CELF2: variants seen among roughly 807,000 people sequenced by gnomAD.
CELF2 encodes CUGBP Elav-like family member 2, also known as CUG triplet repeat RNA-binding protein 2.
Under a neutral mutation model 62.6 loss-of-function variants are expected in CELF2, and 8 were observed. The observed-to-expected ratio is 0.13, with a 90% CI of 0.07 to 0.23. CELF2 has a LOEUF of 0.23. Ranked by LOEUF, CELF2 falls within the 10% of genes least tolerant of loss-of-function variation. The probability of loss-of-function intolerance (pLI) is 1.00; values close to 1 mark genes in which losing one functional copy is unlikely to be tolerated. For synonymous variants in CELF2, 258 were observed against 250.0 expected (o/e 1.03, Z -0.30); for missense variants, 333 against 671.0 (o/e 0.50, Z 5.56).
chr10:10,863,138 A>C (rs1287569686), intron 1 of CELF2, among the ~76,000 whole-genome samples: 2 of 152,188 alleles, frequency 1.3e-5, no homozygotes, highest in African/African-American at 4.8e-5. Context: ...GGTCTGGAGG[A>C]AGCAGGGATG....
rs73571466 is a variant in CELF2 at position 10,920,646 on chromosome 10, C to T, written c.89+647C>T. On this transcript the variant is annotated intron_variant, in intron 2 of 13. Coordinates refer to the CELF2 transcript ENST00000636488. Reference sequence around the variant, plus strand: ...TTAACAGAATGCAAGCTCTAAATAACTAGCCATCAAGGATGATTACCAGCA... The same window carrying T: ...TTAACAGAATGCAAGCTCTAAATAATTAGCCATCAAGGATGATTACCAGCA... Among the ~76,000 whole-genome samples the T allele has an allele frequency of 2.9e-3, 443 of 150,742 alleles. 2 individuals carry two copies. Among genetic ancestry groups the T allele is most frequent in the African/African-American group, 0.01 (427 of 40,930 alleles).
chr10:11,027,765 CT>C (rs771036340), intron 1 of CELF2, among the ~76,000 whole-genome samples: 14 of 152,202 alleles, frequency 9.2e-5, no homozygotes, highest in Non-Finnish European at 2.1e-4. Flanking sequence ...AATGCCTGGC[CT>C]GCCTTCTAAT....
chr10:10,578,436 C>T, the CELF2 span, among the ~76,000 whole-genome samples: 16 of 152,078 alleles, frequency 1.1e-4, no homozygotes, highest in Admixed American at 9.8e-4. Context: ...AGTCCTTGCC[C>T]ATGCCTATGT....
At chr10:11,317,261 C>G (rs2095081535) in intron 10 of CELF2, 1 of 151,858 alleles carries the variant, frequency 6.6e-6, no homozygotes, top group African/African-American at 2.4e-5. Context: ...AGAAGATGCT[C>G]CAGGCATATT....
intron 10 of CELF2, chr10:11,320,740 T>C: frequency 9.2e-7 from 1 of 1,087,048 alleles, no homozygotes; most frequent in Non-Finnish European, 1.3e-6. Flanking sequence ...CCTTTCCTCC[T>C]CAGCCCTGCA....
chr10:10,930,352 A>C (rs1184207466), intron 2 of CELF2, among the ~76,000 whole-genome samples: 2 of 152,214 alleles, frequency 1.3e-5, no homozygotes, highest in South Asian at 2.1e-4. Context: ...AAAATTAATA[A>C]AGCCCTGCCC....
chr10:10,674,666 C>A, the CELF2 span, among the ~76,000 whole-genome samples: 1 of 152,094 alleles, frequency 6.6e-6, no homozygotes, highest in East Asian at 1.9e-4. Flanking sequence ...TATTTTCTCT[C>A]CTTTCTTAGA....
chr10:10,502,720 A>C, the CELF2 span, among the ~76,000 whole-genome samples: 1 of 151,644 alleles, frequency 6.6e-6, no homozygotes, highest in African/African-American at 2.4e-5. Flanking sequence ...AAATAGCCTT[A>C]GTTTTTCTAT....
the CELF2 span, among the ~76,000 whole-genome samples, chr10:10,645,756 T>C: frequency 6.6e-6 from 1 of 152,196 alleles, no homozygotes; most frequent in Non-Finnish European, 1.5e-5. Context: ...GCCTACAAAG[T>C]GCCTGGTGGG....
the CELF2 span, among the ~76,000 whole-genome samples, chr10:10,700,783 C>CCT: frequency 2.0e-5 from 3 of 152,202 alleles, no homozygotes; most frequent in African/African-American, 7.2e-5. Context: ...TACTTCTTCA[C>CCT]CTCTCTCTCT....
upstream of CELF2, among the ~76,000 whole-genome samples, chr10:11,015,190 T>C (rs1203857057): frequency 6.6e-6 from 1 of 152,110 alleles, no homozygotes; most frequent in Non-Finnish European, 1.5e-5. This position sits in a 1 kb window ranked among gnomAD's most constrained non-coding sequence, Gnocchi z 4.8. Context: ...AGGGGCCCTG[T>C]TGAGTTGTTT....
At position 10,819,508 on chromosome 10, in the gene CELF2, ACTCTCAAAG is replaced by A. The variant is rs745793003; in HGVS notation, c.53+20693_53+20701del. ...CACTTTTAACCCTCATTGTTCTGGAACTCTCAAAGCATTAACGTTGTTGACTCACCCCTT... is the reference window on the plus strand; with the variant it reads ...CACTTTTAACCCTCATTGTTCTGGAACATTAACGTTGTTGACTCACCCCTT... On this transcript the variant is annotated intron_variant, in intron 1 of 13. Transcript: ENST00000636488. 5.3e-4 allele frequency among the ~76,000 whole-genome samples: 80 copies of A among 152,114 alleles called. 1 individual carries two copies. The Middle Eastern group carries it at 0.017, about 32-fold the overall frequency.
chr10:10,965,764 G>C (rs2050056863), intron 2 of CELF2, among the ~76,000 whole-genome samples: 1 of 152,156 alleles, frequency 6.6e-6, no homozygotes, highest in African/African-American at 2.4e-5. Flanking sequence ...AACCCAAGCT[G>C]AGCTCCAAAT....
chr10:11,027,353 G>A (rs187254175), intron 1 of CELF2, among the ~76,000 whole-genome samples: 198 of 152,146 alleles, frequency 1.3e-3, no homozygotes, highest in African/African-American at 4.6e-3. Flanking sequence ...TCAAATGGAC[G>A]GTGTTTCTTC....
At chr10:10,967,507 G>A (rs1379445910) in intron 2 of CELF2, among the ~76,000 whole-genome samples, 1 of 152,180 alleles carries the variant, frequency 6.6e-6, no homozygotes, top group Non-Finnish European at 1.5e-5. Context: ...CGGGGGAAAT[G>A]CCTGTATGAG....
At position 11,160,967 on chromosome 10, in the gene CELF2, G is replaced by A. The variant is rs78532051; in HGVS notation, c.75-4519G>A. Among the ~76,000 whole-genome samples the A allele has an allele frequency of 1.5e-3, 221 of 152,292 alleles. 2 individuals carry two copies. Among genetic ancestry groups the A allele is most frequent in the Admixed American group, 5.6e-3 (85 of 15,294 alleles). ...TTTTGTTTGCATTCTCCCAAAGGAA[G>A]CCTGCAAATCACTGGGCCTTATAAA... On this transcript the variant is annotated intron_variant, in intron 1 of 12. Transcript: ENST00000633077.
At chr10:11,126,381 G>A (rs1816303695) in intron 1 of CELF2, among the ~76,000 whole-genome samples, 5 of 152,084 alleles carry the variant, frequency 3.3e-5, no homozygotes, top group Admixed American at 1.3e-4. Context: ...CTTGCAAGGT[G>A]GACTATAGTA....
the CELF2 span, among the ~76,000 whole-genome samples, chr10:10,473,219 G>A: frequency 6.6e-6 from 1 of 151,976 alleles, no homozygotes; most frequent in African/African-American, 2.4e-5. Flanking sequence ...AAAGATGATA[G>A]CCATGTGAAG....
intron 3 of CELF2, among the ~76,000 whole-genome samples, chr10:11,239,232 C>G (rs908140500): frequency 2.6e-5 from 4 of 151,764 alleles, no homozygotes; most frequent in South Asian, 2.1e-4. Flanking sequence ...CTTGTTTTTT[C>G]CCCTTTGGTG....
Sources: allele counts gnomAD v4.1 joint callset (sites outside exome capture counted in the v4.1 genomes callset), GRCh38; gene constraint gnomAD v4.1.1; non-coding constraint Gnocchi (gnomAD v3.1); transcripts MANE v1.5; gene names NCBI Gene and HGNC (gene_info 2026-07-23, HGNC 2026-07-21).